The following CNTN4 variants were observed in gnomAD, a reference collection of about 807,000 sequenced individuals.
CNTN4 encodes the protein contactin 4, also known as contactin-4.
CNTN4 carries 77 observed loss-of-function variants against 122.5 expected under a neutral mutation model. The ratio of observed to expected loss-of-function variants is 0.63; its 90% CI spans 0.52 to 0.76. The LOEUF (loss-of-function observed/expected upper bound fraction) is 0.76, where lower values mean the gene tolerates loss of function less well. Ranked by LOEUF, CNTN4 falls within the 30% of genes least tolerant of loss-of-function variation. The pLI, the probability that CNTN4 is intolerant of heterozygous loss-of-function variation, is 0.00. For synonymous variants in CNTN4, 512 were observed against 447.0 expected (o/e 1.15, Z -1.83); for missense variants, 1,256 against 1,259.1 (o/e 1.00, Z 0.04).
intron 3 of CNTN4, among the ~76,000 whole-genome samples, chr3:2,527,841 G>C (rs1345958735): frequency 6.6e-6 from 1 of 152,032 alleles, no homozygotes; most frequent in Non-Finnish European, 1.5e-5. Context: ...CCCACAGTTG[G>C]ATACTTGATC....
rs538237149 is a variant in CNTN4 at position 2,831,587 on chromosome 3, T to C, written c.454+12006T>C. Among the ~76,000 whole-genome samples, 38 of 152,344 alleles carry C rather than the reference T, an allele frequency of 2.5e-4. No individual in the cohort carries two copies. The East Asian group carries it at 6.9e-3, about 28-fold the overall frequency. Reference sequence around the variant, plus strand: ...TCCCATCTCCAGCCGAAACACACCCTCTTTTTCTCCCATCATCTGGTGCAG... The same window carrying C: ...TCCCATCTCCAGCCGAAACACACCCCCTTTTTCTCCCATCATCTGGTGCAG... On this transcript the variant is annotated intron_variant, in intron 7 of 24. Coordinates refer to ENST00000418658, the MANE Select transcript of CNTN4 (RefSeq NM_175607.3).
At chr3:2,192,706 C>CA (rs1204301853) in intron 2 of CNTN4, among the ~76,000 whole-genome samples, 1 of 152,142 alleles carries the variant, frequency 6.6e-6, no homozygotes, top group African/African-American at 2.4e-5. Flanking sequence ...TTATACAGAG[C>CA]AATATTTTGA....
At chr3:2,144,746 T>A (rs2035164070) in intron 2 of CNTN4, among the ~76,000 whole-genome samples, 4 of 152,236 alleles carry the variant, frequency 2.6e-5, no homozygotes, top group Admixed American at 6.5e-5. Flanking sequence ...AAGTCATCAA[T>A]TAAGTTTATT....
intron 4 of CNTN4, among the ~76,000 whole-genome samples, chr3:2,712,052 A>G (rs1464267745): frequency 6.6e-6 from 1 of 152,226 alleles, no homozygotes; most frequent in East Asian, 1.9e-4. Flanking sequence ...TGACAGATGA[A>G]TCACCATTCA....
intron 2 of CNTN4, among the ~76,000 whole-genome samples, chr3:2,202,138 C>T (rs2038127849): frequency 6.6e-6 from 1 of 152,076 alleles, no homozygotes; most frequent in South Asian, 2.1e-4. Flanking sequence ...CTCCCCACCA[C>T]CAAAGAATTG....
intron 4 of CNTN4, among the ~76,000 whole-genome samples, chr3:2,681,885 A>G (rs2085185004): frequency 6.6e-6 from 1 of 152,112 alleles, no homozygotes; most frequent in Non-Finnish European, 1.5e-5. Context: ...ATCTTGCTAT[A>G]ATTGAAAAAT....
intron 6 of CNTN4, among the ~76,000 whole-genome samples, chr3:2,774,797 A>G (rs986205441): frequency 6.6e-6 from 1 of 152,228 alleles, no homozygotes; most frequent in African/African-American, 2.4e-5. Context: ...TTTGGTTTCA[A>G]GATGTTTATT....
At chr3:2,289,894 T>A (rs11715960) in intron 2 of CNTN4, among the ~76,000 whole-genome samples, 1,583 of 152,290 alleles carry the variant, frequency 0.01, 18 homozygotes, top group South Asian at 0.027. Flanking sequence ...TTTCTAGACA[T>A]TTGATGATTG....
At chr3:2,819,973 C>T (rs539437681) in intron 7 of CNTN4, among the ~76,000 whole-genome samples, 7 of 152,190 alleles carry the variant, frequency 4.6e-5, no homozygotes, top group African/African-American at 1.7e-4. Context: ...ACTCGCAATA[C>T]TTCTGACACC....
intron 23 of CNTN4, among the ~76,000 whole-genome samples, chr3:3,045,342 C>A (rs1700536305): frequency 6.6e-6 from 1 of 152,224 alleles, no homozygotes; most frequent in South Asian, 2.1e-4. Flanking sequence ...TCAAGTGGTT[C>A]CCTGACCCCC....
chr3:2,214,449 C>A (rs2149456169), intron 2 of CNTN4, among the ~76,000 whole-genome samples: 1 of 152,206 alleles, frequency 6.6e-6, no homozygotes, highest in East Asian at 1.9e-4. Flanking sequence ...AAATGTCTGT[C>A]ATTTTCTTTT....
chr3:2,158,999 C>T (rs1404428561), intron 2 of CNTN4, among the ~76,000 whole-genome samples: 1 of 152,096 alleles, frequency 6.6e-6, no homozygotes, highest in Non-Finnish European at 1.5e-5. Context: ...AGTTTGCAGT[C>T]TCTGAGGTCT....
chr3:2,643,741 TG>T (rs2082999386), intron 4 of CNTN4, among the ~76,000 whole-genome samples: 1 of 152,174 alleles, frequency 6.6e-6, no homozygotes, highest in African/African-American at 2.4e-5. Context: ...CTGCTTTGTA[TG>T]TTAGGAGCTA....
At chr3:3,007,763 G>A (rs1696801511) in intron 14 of CNTN4, among the ~76,000 whole-genome samples, 2 of 152,198 alleles carry the variant, frequency 1.3e-5, no homozygotes. Context: ...AGTAGGGTAT[G>A]CAATAGATTC....
At chr3:2,261,708 T>A (rs1317297035) in intron 2 of CNTN4, among the ~76,000 whole-genome samples, 1 of 152,200 alleles carries the variant, frequency 6.6e-6, no homozygotes, top group Non-Finnish European at 1.5e-5. Context: ...TTCATTGTGC[T>A]TTCCTTTAAG....
intron 4 of CNTN4, among the ~76,000 whole-genome samples, chr3:2,614,784 T>C (rs1177089632): frequency 3.3e-5 from 5 of 151,994 alleles, no homozygotes; most frequent in Non-Finnish European, 7.4e-5. Context: ...AGATAAACAG[T>C]TGGATACATC....
chr3:2,541,022 CTCATT>C (rs2078010574), intron 3 of CNTN4, among the ~76,000 whole-genome samples: 2 of 152,128 alleles, frequency 1.3e-5, no homozygotes, highest in African/African-American at 4.8e-5. Flanking sequence ...GATTTCTTCA[CTCATT>C]ACATAGCTGG....
chr3:2,151,996 A>G (rs1194253194), intron 2 of CNTN4, among the ~76,000 whole-genome samples: 1 of 152,242 alleles, frequency 6.6e-6, no homozygotes, highest in Non-Finnish European at 1.5e-5. Flanking sequence ...TAAATTATGT[A>G]CAATATTAAC....
At chr3:3,042,898 T>A in intron 21 of CNTN4, 79 bp from the exon 22 acceptor site, 8 of 1,153,210 alleles carry the variant, frequency 6.9e-6, no homozygotes, top group South Asian at 2.5e-5. Context: ...CATAAGAATC[T>A]GCGTACAAAA....
Sources: allele counts gnomAD v4.1 joint callset (sites outside exome capture counted in the v4.1 genomes callset), GRCh38; gene constraint gnomAD v4.1.1; transcripts MANE v1.5; gene names NCBI Gene and HGNC (gene_info 2026-07-23, HGNC 2026-07-21).